Variants in UBXN2A observed in about 807,000 individuals in gnomAD.
UBXN2A encodes UBX domain protein 2A.
In UBXN2A, 28 loss-of-function variants were observed where a neutral mutation model predicts 28.4. The ratio of observed to expected loss-of-function variants is 0.99; its 90% CI spans 0.73 to 1.35. UBXN2A has a LOEUF of 1.35. UBXN2A is among the 40% of genes most tolerant of loss of function. The pLI, the probability that UBXN2A is intolerant of heterozygous loss-of-function variation, is 0.00. For synonymous variants in UBXN2A, 97 were observed against 103.6 expected, an observed-to-expected ratio of 0.94 and a Z score of 0.39; for missense variants, 253 against 297.9, an observed-to-expected ratio of 0.85 and a Z score of 1.11.
At chr2:23,939,356 G>A (rs1427995654), upstream of UBXN2A, among the ~76,000 whole-genome samples, 26 of 152,134 alleles carry the variant, frequency 1.7e-4, no homozygotes, top group Admixed American at 1.7e-3. Flanking sequence ...TACAGCAACC[G>A]GGAGAACTCT....
chr2:23,999,562 C>T lies in UBXN2A; in HGVS notation c.585-110C>T, dbSNP rs550723664. On this transcript the variant is annotated intron_variant, in intron 6 of 6. Coordinates refer to ENST00000309033, the MANE Select transcript of UBXN2A (RefSeq NM_181713.4). The stretch of plus-strand genomic sequence containing the variant: ...CTGCATCCTGGGTGACAAAGCAAGA[C>T]GCTATCTCTAATAATAACATATCCA... 68 of 1,208,308 alleles carry T rather than the reference C, an allele frequency of 5.6e-5. No homozygotes were observed. The East Asian group carries it at 7.1e-4, about 13-fold the overall frequency. 74.8% of individuals were successfully genotyped at this position (1,208,308 alleles called of 1,614,324 possible). A position where few individuals can be genotyped will look rare whatever the true frequency, so the allele number is the denominator to read the frequency against.
At chr2:23,936,083 T>C (rs1705516562), upstream of UBXN2A, among the ~76,000 whole-genome samples, 1 of 151,876 alleles carries the variant, frequency 6.6e-6, no homozygotes, top group Admixed American at 6.6e-5. Context: ...AAATAAATAT[T>C]CTTGCCACAA....
chr2:23,980,320 G>C (rs554296582), intron 4 of UBXN2A, among the ~76,000 whole-genome samples: 1 of 152,216 alleles, frequency 6.6e-6, no homozygotes, highest in East Asian at 1.9e-4. Context: ...ATCTAGGAGT[G>C]GAATTGTTAA....
At chr2:23,987,637 G>T (rs1193275797) in intron 6 of UBXN2A, among the ~76,000 whole-genome samples, 2 of 151,552 alleles carry the variant, frequency 1.3e-5, no homozygotes, top group Non-Finnish European at 2.9e-5. Flanking sequence ...AATTAGCCGG[G>T]CGTGGTGGCA....
intron 5 of UBXN2A, among the ~76,000 whole-genome samples, chr2:23,983,876 A>G (rs149314944): frequency 0.022 from 3,357 of 152,200 alleles, 134 homozygotes; most frequent in African/African-American, 0.077. Flanking sequence ...GGGTTTCGCC[A>G]TGTTGGCCAG....
intron 4 of UBXN2A, among the ~76,000 whole-genome samples, chr2:23,979,080 C>T (rs977651920): frequency 1.3e-5 from 2 of 152,048 alleles, no homozygotes; most frequent in South Asian, 4.1e-4. Flanking sequence ...CATGGTGGCT[C>T]ATACCTAATC....
At position 23,977,277 on chromosome 2, in the gene UBXN2A, T is replaced by C. The variant is rs529168238; in HGVS notation, c.287+202T>C. Reference sequence around the variant, plus strand: ...GGGAGACTGAGGCTACAGTGAGCCATGCTTGCACTACTGCACTCCAGCCTG... The same window carrying C: ...GGGAGACTGAGGCTACAGTGAGCCACGCTTGCACTACTGCACTCCAGCCTG... On this transcript the variant is annotated intron_variant, in intron 4 of 6. Transcript: ENST00000309033. 6 of 300,174 alleles carry C rather than the reference T, an allele frequency of 2.0e-5. No individual in the cohort carries two copies. In the East Asian group the frequency reaches 3.2e-4, roughly 16 times the overall value. 18.6% of individuals were successfully genotyped at this position (300,174 alleles called of 1,614,324 possible).
chr2:23,974,976 CAA>C (rs763814077), intron 3 of UBXN2A, among the ~76,000 whole-genome samples: 7 of 124,780 alleles, frequency 5.6e-5, no homozygotes, highest in Admixed American at 8.4e-5. Context: ...AAGACTGTCT[CAA>C]AAAAAAAAAA....
chr2:23,971,471 T>C (rs549196417), intron 3 of UBXN2A, 57 bp downstream of exon 3: 7 of 1,430,226 alleles, frequency 4.9e-6, no homozygotes, highest in Non-Finnish European at 6.5e-6. Flanking sequence ...TATATGGACC[T>C]GTTAGAGGGT....
chr2:23,986,755 G>A (rs1184886402), intron 6 of UBXN2A, among the ~76,000 whole-genome samples: 1 of 151,822 alleles, frequency 6.6e-6, no homozygotes, highest in Non-Finnish European at 1.5e-5. Context: ...TTACAGGCAC[G>A]TGCCACCATG....
intron 1 of UBXN2A, among the ~76,000 whole-genome samples, chr2:23,929,482 C>T (rs192479979): frequency 8.6e-5 from 13 of 150,680 alleles, no homozygotes; most frequent in African/African-American, 2.4e-4. Flanking sequence ...GAGGCAGAGG[C>T]GGGCGGATCA....
chr2:24,001,497 T>C lies in UBXN2A; in HGVS notation c.*1630T>C, dbSNP rs933746904. ...ATGATCTATTGAATCAGATTTAAAA[T>C]GAAGCATGCATTGAGTGTGCCAAGG... On this transcript the variant is annotated 3_prime_UTR_variant, in exon 7 of 7. Coordinates refer to ENST00000309033, the MANE Select transcript of UBXN2A (RefSeq NM_181713.4). 3 of 152,064 alleles carry C rather than the reference T, an allele frequency of 2.0e-5. No individual in the cohort carries two copies. The highest frequency in any genetic ancestry group is 6.6e-5 in the Admixed American group (1 of 15,238). 9.4% of individuals were successfully genotyped at this position (152,064 alleles called of 1,614,324 possible).
At chr2:23,988,122 CAAAA>C (rs34140980) in intron 6 of UBXN2A, among the ~76,000 whole-genome samples, 18 of 121,030 alleles carry the variant, frequency 1.5e-4, no homozygotes, top group African/African-American at 4.4e-4. Context: ...GGCTCCATCT[CAAAA>C]AAAAAAAAAA....
chr2:23,974,794 G>A (rs1177554214), intron 3 of UBXN2A, among the ~76,000 whole-genome samples: 4 of 152,054 alleles, frequency 2.6e-5, no homozygotes, highest in African/African-American at 7.2e-5. Flanking sequence ...CCTGGCTAAC[G>A]TGCTGAAACT....
intron 3 of UBXN2A, among the ~76,000 whole-genome samples, chr2:23,974,565 C>G (rs2150875585): frequency 6.6e-6 from 1 of 151,938 alleles, no homozygotes; most frequent in South Asian, 2.1e-4. Context: ...CCAGGATGGT[C>G]TCGATCTCTT....
At chr2:23,981,319 A>AAG (rs1279678923) in intron 4 of UBXN2A, among the ~76,000 whole-genome samples, 2 of 150,082 alleles carry the variant, frequency 1.3e-5, no homozygotes, top group Admixed American at 6.7e-5. Context: ...AAAAAAAAAA[A>AAG]AAACCTAAAA....
intron 6 of UBXN2A, among the ~76,000 whole-genome samples, chr2:23,987,669 T>A (rs1708183564): frequency 6.6e-6 from 1 of 150,964 alleles, no homozygotes; most frequent in East Asian, 1.9e-4. Flanking sequence ...TCCCAGCTAC[T>A]CGGGAGGCTG....
chr2:23,968,936 A>G (rs1261235419), intron 2 of UBXN2A: 1 of 134,456 alleles, frequency 7.4e-6, no homozygotes, highest in African/African-American at 2.9e-5. Context: ...CTCTGTCGCC[A>G]GGCTGGAGTG....
At chr2:23,968,403 G>A (rs552213234) in intron 2 of UBXN2A, among the ~76,000 whole-genome samples, 1 of 152,128 alleles carries the variant, frequency 6.6e-6, no homozygotes, top group Non-Finnish European at 1.5e-5. Context: ...TTTGCCGGGC[G>A]TGGTGGCTCA....
Sources: allele counts gnomAD v4.1 joint callset (sites outside exome capture counted in the v4.1 genomes callset), GRCh38; gene constraint gnomAD v4.1.1; transcripts MANE v1.5; gene names NCBI Gene and HGNC (gene_info 2026-07-23, HGNC 2026-07-21).